The following GRM5 variants were observed in gnomAD, a reference collection of about 807,000 sequenced individuals.
GRM5 encodes the protein glutamate metabotropic receptor 5.
A neutral mutation model predicts 83.1 loss-of-function variants in GRM5; 19 were observed. The observed-to-expected ratio is 0.23, with a 90% CI of 0.16 to 0.34. GRM5 has a LOEUF of 0.34. Ranked by LOEUF, GRM5 falls within the 10% of genes least tolerant of loss-of-function variation. GRM5 has a pLI of 1.00. For missense variants in GRM5, 1,160 were observed against 1,588.3 expected (o/e 0.73, Z 4.58); for synonymous variants, 675 against 633.6 (o/e 1.07, Z -0.98).
chr11:88,677,464 C>A (rs1343547519), intron 3 of GRM5, among the ~76,000 whole-genome samples: 1 of 152,076 alleles, frequency 6.6e-6, no homozygotes, highest in East Asian at 1.9e-4. Context: ...CTCTTTCTCT[C>A]ACTGGACAAT....
At chr11:88,553,495 G>T (rs1942558517) in intron 8 of GRM5, among the ~76,000 whole-genome samples, 1 of 152,118 alleles carries the variant, frequency 6.6e-6, no homozygotes, top group South Asian at 2.1e-4. Flanking sequence ...TGGTGTGCCT[G>T]ACTCTCACTA....
chr11:88,779,168 T>C (rs1942922585), intron 3 of GRM5, among the ~76,000 whole-genome samples: 1 of 152,218 alleles, frequency 6.6e-6, no homozygotes, highest in Non-Finnish European at 1.5e-5. Flanking sequence ...TTCTAAAGCT[T>C]GTGTTCTCTC....
chr11:88,977,422 A>G (rs1939377873), intron 2 of GRM5, among the ~76,000 whole-genome samples: 1 of 152,080 alleles, frequency 6.6e-6, no homozygotes, highest in Admixed American at 6.5e-5. Context: ...AGTGCTAGCC[A>G]GGATGGTCTC....
intron 2 of GRM5, among the ~76,000 whole-genome samples, chr11:88,919,380 A>G (rs1945651737): frequency 6.6e-6 from 1 of 150,446 alleles, no homozygotes; most frequent in African/African-American, 2.4e-5. Context: ...GCCTAACACT[A>G]GAGAACACAG....
intron 3 of GRM5, among the ~76,000 whole-genome samples, chr11:88,712,039 G>T (rs1941293360): frequency 6.6e-6 from 1 of 152,076 alleles, no homozygotes; most frequent in African/African-American, 2.4e-5. Context: ...TTTGATGAAT[G>T]AGTATATAAA....
intron 3 of GRM5, among the ~76,000 whole-genome samples, chr11:88,781,234 G>A (rs551173625): frequency 6.6e-6 from 1 of 151,482 alleles, no homozygotes; most frequent in East Asian, 1.9e-4. Flanking sequence ...AAGAATGAAG[G>A]GAAAGAGAAA....
intron 3 of GRM5, among the ~76,000 whole-genome samples, chr11:88,833,676 A>G (rs1364120242): frequency 1.3e-5 from 2 of 152,224 alleles, no homozygotes; most frequent in Non-Finnish European, 2.9e-5. Flanking sequence ...CTCCATGTTT[A>G]TTACAGCACT....
At chr11:88,847,227 T>C (rs754389248) in intron 3 of GRM5, among the ~76,000 whole-genome samples, 1 of 152,198 alleles carries the variant, frequency 6.6e-6, no homozygotes, top group Non-Finnish European at 1.5e-5. Context: ...TTCTTAGATA[T>C]GGGTTTTTTC....
intron 2 of GRM5, among the ~76,000 whole-genome samples, chr11:88,890,407 G>A (rs1161966943): frequency 6.6e-6 from 1 of 152,096 alleles, no homozygotes; most frequent in Non-Finnish European, 1.5e-5. Context: ...ATCCAATTAA[G>A]AAACTGACAA....
intron 9 of GRM5, among the ~76,000 whole-genome samples, chr11:88,520,044 G>T (rs1203158310): frequency 6.6e-6 from 1 of 152,172 alleles, no homozygotes; most frequent in Non-Finnish European, 1.5e-5. Context: ...GATTTTTCAT[G>T]AGATTGCTCT....
chr11:88,695,579 TAAC>T (rs1454379204), intron 3 of GRM5, among the ~76,000 whole-genome samples: 1 of 152,224 alleles, frequency 6.6e-6, no homozygotes, highest in African/African-American at 2.4e-5. Flanking sequence ...CATATGAGTC[TAAC>T]AAGATGACTT....
Position 88,542,194 on chromosome 11 carries a change from C to T in GRM5, c.2631-16790G>A, listed in dbSNP as rs554385965. 6.6e-5 allele frequency among the ~76,000 whole-genome samples: 10 copies of T among 152,156 alleles called. No individual in the cohort carries two copies. In the South Asian group the frequency reaches 1.0e-3, roughly 16 times the overall value. ...TGTACTATTATTATCCCCCTTTCAC[C>T]GATAAAAATAACTGAGGCACAGAGT... On this transcript the variant is annotated intron_variant, in intron 8 of 9. Coordinates refer to ENST00000305447, the MANE Select transcript of GRM5 (RefSeq NM_001143831.3).
At chr11:88,557,256 A>G (rs1942651345) in intron 8 of GRM5, among the ~76,000 whole-genome samples, 1 of 152,180 alleles carries the variant, frequency 6.6e-6, no homozygotes, top group Admixed American at 6.5e-5. Flanking sequence ...GATAACAGAT[A>G]AAAGTACTTA....
At chr11:88,741,316 T>C (rs1427688202) in intron 3 of GRM5, among the ~76,000 whole-genome samples, 1 of 152,028 alleles carries the variant, frequency 6.6e-6, no homozygotes, top group African/African-American at 2.4e-5. Context: ...TATTGCAACT[T>C]GGTTGCAATA....
chr11:88,707,910 A>G (rs979296354), intron 3 of GRM5, among the ~76,000 whole-genome samples: 6 of 152,090 alleles, frequency 3.9e-5, no homozygotes, highest in Admixed American at 3.9e-4. Context: ...CTACAAACTT[A>G]TAATTACTCT....
chr11:88,935,413 A>G (rs570963016), intron 2 of GRM5, among the ~76,000 whole-genome samples: 16 of 152,008 alleles, frequency 1.1e-4, no homozygotes, highest in Middle Eastern at 3.4e-3. Flanking sequence ...CTGACTTCCT[A>G]TTTTGCATAT....
At chr11:89,028,459 G>A (rs1388972455) in intron 2 of GRM5, among the ~76,000 whole-genome samples, 1 of 152,110 alleles carries the variant, frequency 6.6e-6, no homozygotes, top group African/African-American at 2.4e-5. Context: ...GTGGTGGTGT[G>A]CACCTGTAGT....
At chr11:88,610,340 C>A (rs569222380) in intron 4 of GRM5, among the ~76,000 whole-genome samples, 2 of 152,212 alleles carry the variant, frequency 1.3e-5, no homozygotes, top group South Asian at 4.2e-4. Context: ...TTGATTCTTC[C>A]TGACCATGGG....
At chr11:89,005,204 T>C (rs1940491631) in intron 2 of GRM5, among the ~76,000 whole-genome samples, 1 of 152,222 alleles carries the variant, frequency 6.6e-6, no homozygotes, top group South Asian at 2.1e-4. Context: ...TGTGTTTAAA[T>C]GTAAGTATGA....
Sources: gnomAD v4.1 joint callset for allele counts (sites outside exome capture counted in the v4.1 genomes callset) on GRCh38, gnomAD v4.1.1 for gene constraint, MANE v1.5 for transcripts, NCBI Gene and HGNC (gene_info 2026-07-23, HGNC 2026-07-21) for gene names.